ZNF706: variants seen among roughly 807,000 people sequenced by gnomAD.
The protein encoded by ZNF706 is zinc finger protein 706.
In ZNF706, 4 loss-of-function variants were observed where a neutral mutation model predicts 9.2. The observed-to-expected ratio is 0.43, with a 90% CI of 0.21 to 0.99. The LOEUF is 0.99. Ranked by LOEUF, ZNF706 falls within the 50% of genes least tolerant of loss-of-function variation. The probability of loss-of-function intolerance (pLI) is 0.26; values close to 1 mark genes in which losing one functional copy is unlikely to be tolerated. For synonymous variants in ZNF706, 28 were observed against 27.3 expected (o/e 1.03, Z -0.08); for missense variants, 27 against 87.8 (o/e 0.31, Z 2.77).
rs1223819520 is a variant in ZNF706 at position 101,201,597 on chromosome 8, T to C, written c.135+10A>G. 6.2e-7 allele frequency: 1 copy of C among 1,608,814 alleles called. No individual in the cohort carries two copies. The highest frequency in any genetic ancestry group is 8.5e-7 in the Non-Finnish European group (1 of 1,178,618). Reference sequence around the variant, plus strand: ...GGGAGAGCTGTATCTTTCAATTCAATTCCCCTTACCCTACAGACAGTGCAG... The same window carrying C: ...GGGAGAGCTGTATCTTTCAATTCAACTCCCCTTACCCTACAGACAGTGCAG... On this transcript the variant is annotated intron_variant, in intron 2 of 3. Transcript: ENST00000311212. This position sits in a 1 kb window ranked among gnomAD's most constrained non-coding sequence, Gnocchi z 4.5.
intron 1 of ZNF706, chr8:101,204,968 C>T (rs1810698583): frequency 1.0e-6 from 1 of 984,342 alleles, no homozygotes; most frequent in East Asian, 1.1e-4. Flanking sequence ...CCACCCAACA[C>T]TTCTCCGACC....
intron 3 of ZNF706, among the ~76,000 whole-genome samples, chr8:101,199,771 T>C (rs1410332402): frequency 6.6e-6 from 1 of 152,148 alleles, no homozygotes. Flanking sequence ...CATGTACTCA[T>C]CTCCCCATTT....
intron 1 of ZNF706, chr8:101,204,837 G>A (rs1414454503): frequency 1.0e-6 from 1 of 985,426 alleles, no homozygotes; most frequent in Non-Finnish European, 1.2e-6. Context: ...CCAGGAAGTA[G>A]GCTCATTCTC....
chr8:101,202,834 T>C (rs1028675288), intron 1 of ZNF706: 3 of 152,234 alleles, frequency 2.0e-5, no homozygotes, highest in East Asian at 1.9e-4. Context: ...CCAGTATTCA[T>C]TGTGACTTGC....
Position 101,204,703 on chromosome 8 carries a change from G to A in ZNF706, c.-3+732C>T. On this transcript the variant is annotated intron_variant, in intron 1 of 3. Coordinates refer to ENST00000311212, the MANE Select transcript of ZNF706 (RefSeq NM_016096.5). Reference sequence around the variant, plus strand: ...TGGTTTTCCGAGGGGGCTGCAAAGAGGGAAGTAGTGGAAGAAACGAGTTCT... The same window carrying A: ...TGGTTTTCCGAGGGGGCTGCAAAGAAGGAAGTAGTGGAAGAAACGAGTTCT... 3.0e-6 allele frequency: 3 copies of A among 985,494 alleles called. No homozygotes were observed. In the South Asian group the frequency reaches 1.4e-4, roughly 46 times the overall value. The allele number at this position is 985,494 out of a possible 1,614,324, so 61.0% of individuals were successfully genotyped here.
Position 101,201,319 on chromosome 8 carries a change from G to C in ZNF706, c.135+288C>G, listed in dbSNP as rs1810548060. 1 of 342,210 alleles carries C rather than the reference G, an allele frequency of 2.9e-6. No homozygotes were observed. Among genetic ancestry groups the C allele is most frequent in the Non-Finnish European group, 5.3e-6 (1 of 187,414 alleles). 21.2% of individuals were successfully genotyped at this position (342,210 alleles called of 1,614,324 possible). ...GAGTGTAGAGTTATATGATGTGCTA[G>C]TGAAGTGTATTATATGCCCTTATGA... On this transcript the variant is annotated intron_variant, in intron 2 of 3. Transcript: ENST00000311212. This position sits in a 1 kb window ranked among gnomAD's most constrained non-coding sequence, Gnocchi z 4.5.
In ZNF706 at chr8:101,201,361, T is replaced by A. The variant is rs938162667; in HGVS notation, c.135+246A>T. On this transcript the variant is annotated intron_variant, in intron 2 of 3. Coordinates refer to ENST00000311212, the MANE Select transcript of ZNF706 (RefSeq NM_016096.5). This position sits in a 1 kb window ranked among gnomAD's most constrained non-coding sequence, Gnocchi z 4.5. The stretch of plus-strand genomic sequence containing the variant: ...CCCTTATGAAGACATCTTTATTTTA[T>A]ATGAGGAAAGCAATTTTGTTTTGTT... 3 of 467,740 alleles carry A rather than the reference T, an allele frequency of 6.4e-6. No homozygotes were observed. The East Asian group carries it at 1.1e-4, about 17-fold the overall frequency. The allele number at this position is 467,740 out of a possible 1,614,324, so 29.0% of individuals were successfully genotyped here.
At chr8:101,199,473 T>C (rs1431786289) in intron 3 of ZNF706, among the ~76,000 whole-genome samples, 1 of 152,154 alleles carries the variant, frequency 6.6e-6, no homozygotes, top group Non-Finnish European at 1.5e-5. Flanking sequence ...CCAAATGTAA[T>C]GTGTAAAGTG....
upstream of ZNF706, chr8:101,205,857 AG>A (rs1810752202): frequency 6.6e-6 from 1 of 152,128 alleles, no homozygotes; most frequent in South Asian, 2.1e-4. The surrounding 1 kb of genome is among the most constrained non-coding windows in gnomAD (Gnocchi z 6.6). Flanking sequence ...CACAAACTTC[AG>A]GGGACGTCGC....
intron 1 of ZNF706, chr8:101,204,213 G>T (rs1404095892): frequency 3.3e-5 from 5 of 152,144 alleles, no homozygotes; most frequent in African/African-American, 1.2e-4. Flanking sequence ...GTTGTGACTC[G>T]TACAAAGCAA....
Position 101,198,940 on chromosome 8 carries a change from G to A in ZNF706, c.*312C>T, listed in dbSNP as rs565709864. 17 of 309,402 alleles carry A rather than the reference G, an allele frequency of 5.5e-5. No individual in the cohort carries two copies. The highest frequency in any genetic ancestry group is 1.9e-4 in the Admixed American group (4 of 20,668). The allele number at this position is 309,402 out of a possible 1,614,324, so 19.2% of individuals were successfully genotyped here. A position where few individuals can be genotyped will look rare whatever the true frequency, so the allele number is the denominator to read the frequency against. ...CTAAAACCATTTATCCTGTGATGTC[G>A]TAAATCAAAGTACTATTTTATTAAA... On this transcript the variant is annotated 3_prime_UTR_variant, in exon 4 of 4. Coordinates refer to ENST00000311212, the MANE Select transcript of ZNF706 (RefSeq NM_016096.5).
At chr8:101,204,078 T>A (rs1206624165) in intron 1 of ZNF706, 3 of 152,222 alleles carry the variant, frequency 2.0e-5, no homozygotes, top group Non-Finnish European at 4.4e-5. Flanking sequence ...ATTTTATGTA[T>A]CTTAATACAC....
chr8:101,202,952 C>G (rs181719420), intron 1 of ZNF706: 1 of 152,244 alleles, frequency 6.6e-6, no homozygotes, highest in Admixed American at 6.5e-5. Context: ...TTTCATAAAA[C>G]TACTGTTATT....
At chr8:101,200,303 G>T (rs1189007292) in intron 2 of ZNF706, 4 of 473,360 alleles carry the variant, frequency 8.5e-6, no homozygotes, top group African/African-American at 7.9e-5. Context: ...AGAAAGGTAG[G>T]TCACATAGAA....
rs191224226 is a variant in ZNF706 at position 101,203,534 on chromosome 8, C to T, written c.-2-1791G>A. The T allele has an allele frequency of 7.9e-5, 12 of 152,194 alleles. No individual in the cohort carries two copies. The East Asian group carries it at 2.3e-3, about 29-fold the overall frequency. 9.4% of individuals were successfully genotyped at this position (152,194 alleles called of 1,614,324 possible). On this transcript the variant is annotated intron_variant, in intron 1 of 3. Transcript: ENST00000311212. ...CCCAAAAAAGGAAACTAAAAAAATA[C>T]ACTGATTGGAGAAGTTCCCACTAGC... is the stretch of plus-strand genomic sequence containing the variant.
chr8:101,199,931 G>C (rs1810498850), intron 3 of ZNF706, 59 bp downstream of exon 3: 3 of 1,146,714 alleles, frequency 2.6e-6, no homozygotes, highest in Non-Finnish European at 3.9e-6. Flanking sequence ...AGTGAAGACA[G>C]TTTTGGTCTT....
chr8:101,201,887 A>C lies in ZNF706; in HGVS notation c.-2-144T>G. ...AATTTATAGGTATTAAAATTCCCAC[A>C]TATAAATGCTACAAAAGTATCAATT... On this transcript the variant is annotated intron_variant, in intron 1 of 3. Transcript: ENST00000311212. This position sits in a 1 kb window ranked among gnomAD's most constrained non-coding sequence, Gnocchi z 4.5. 1.2e-6 allele frequency: 1 copy of C among 866,670 alleles called. No homozygotes were observed. Among genetic ancestry groups the C allele is most frequent in the Non-Finnish European group, 1.7e-6 (1 of 581,202 alleles). The allele number at this position is 866,670 out of a possible 1,614,324, so 53.7% of individuals were successfully genotyped here.
chr8:101,204,789 C>A, intron 1 of ZNF706: 1 of 985,424 alleles, frequency 1.0e-6, no homozygotes, highest in Non-Finnish European at 1.2e-6. Flanking sequence ...CCTTTTAAAA[C>A]CAACATAAAT....
At chr8:101,206,036 T>TG (rs1024905335), upstream of ZNF706, 7 of 152,110 alleles carry the variant, frequency 4.6e-5, no homozygotes, top group African/African-American at 1.4e-4. Context: ...CCTCAGGCGC[T>TG]GCGACCCTTT....
Sources: allele counts gnomAD v4.1 joint callset (sites outside exome capture counted in the v4.1 genomes callset), GRCh38; gene constraint gnomAD v4.1.1; non-coding constraint Gnocchi (gnomAD v3.1); transcripts MANE v1.5; gene names NCBI Gene and HGNC (gene_info 2026-07-23, HGNC 2026-07-21).